Variants in GALNT13 observed in about 807,000 individuals in gnomAD.
The protein encoded by GALNT13 is UDP-GalNAc:polypeptide N-acetylgalactosaminyltransferase 13.
GALNT13 carries 28 observed loss-of-function variants against 64.2 expected under a neutral mutation model. The ratio of observed to expected loss-of-function variants is 0.44; its 90% CI spans 0.32 to 0.60. GALNT13 has a LOEUF of 0.60. GALNT13 is among the 20% of genes least tolerant of loss of function. GALNT13 has a pLI of 0.05. For missense variants in GALNT13, 577 were observed against 669.8 expected, an observed-to-expected ratio of 0.86 and a Z score of 1.53; for synonymous variants, 214 against 224.6, an observed-to-expected ratio of 0.95 and a Z score of 0.42.
chr2:153,608,720 A>G, the GALNT13 span, among the ~76,000 whole-genome samples: 1 of 147,772 alleles, frequency 6.8e-6, no homozygotes, highest in African/African-American at 2.4e-5. Flanking sequence ...AAATATGTAA[A>G]TATATGTATA....
intron 4 of GALNT13, among the ~76,000 whole-genome samples, chr2:154,208,779 T>C (rs1357488960): frequency 6.6e-6 from 1 of 152,094 alleles, no homozygotes; most frequent in East Asian, 1.9e-4. Flanking sequence ...TAATCACTTA[T>C]CATACTTCAG....
intron 4 of GALNT13, among the ~76,000 whole-genome samples, chr2:154,228,607 G>A (rs73965408): frequency 0.018 from 2,772 of 152,268 alleles, 83 homozygotes; most frequent in African/African-American, 0.062. Context: ...TGCCAAGGAA[G>A]AAGGCTTTAA....
At chr2:153,964,805 A>G (rs1693215874) in intron 3 of GALNT13, among the ~76,000 whole-genome samples, 1 of 152,076 alleles carries the variant, frequency 6.6e-6, no homozygotes, top group Non-Finnish European at 1.5e-5. Context: ...CCCTCACGGT[A>G]AAATGAAATT....
chr2:153,093,081 A>C, the GALNT13 span, among the ~76,000 whole-genome samples: 1 of 151,972 alleles, frequency 6.6e-6, no homozygotes, highest in Non-Finnish European at 1.5e-5. Flanking sequence ...GAATTTTATC[A>C]AATGCTTTTT....
chr2:153,917,560 A>T (rs1301466738), intron 2 of GALNT13, among the ~76,000 whole-genome samples: 1 of 152,180 alleles, frequency 6.6e-6, no homozygotes, highest in African/African-American at 2.4e-5. Context: ...ACGTCTAAAT[A>T]ATGCTGAAAA....
At chr2:153,117,970 G>T in the GALNT13 span, among the ~76,000 whole-genome samples, 13,246 of 152,012 alleles carry the variant, frequency 0.087, 685 homozygotes, top group Non-Finnish European at 0.12. Context: ...CCTCTGCCTT[G>T]GTTTGCCTTA....
At chr2:153,935,585 G>A (rs999514754) in intron 2 of GALNT13, among the ~76,000 whole-genome samples, 2 of 152,198 alleles carry the variant, frequency 1.3e-5, no homozygotes, top group African/African-American at 4.8e-5. Flanking sequence ...TTAGGTGGGA[G>A]GAAGGGTATC....
At chr2:153,725,197 A>T in the GALNT13 span, among the ~76,000 whole-genome samples, 1 of 146,510 alleles carries the variant, frequency 6.8e-6, no homozygotes, top group Non-Finnish European at 1.5e-5. Context: ...TCAGTAAACT[A>T]TCGCAAGAAC....
chr2:153,481,688 C>G, the GALNT13 span, among the ~76,000 whole-genome samples: 2 of 152,116 alleles, frequency 1.3e-5, no homozygotes, highest in Admixed American at 6.5e-5. Flanking sequence ...ACTGCCTACT[C>G]TTTCTGGAAA....
intron 9 of GALNT13, among the ~76,000 whole-genome samples, chr2:154,350,670 C>G (rs1334781518): frequency 6.6e-6 from 1 of 152,182 alleles, no homozygotes; most frequent in Non-Finnish European, 1.5e-5. Context: ...TCCTATCCCT[C>G]TAGAGAACTC....
At chr2:154,283,164 A>T (rs912439293) in intron 8 of GALNT13, among the ~76,000 whole-genome samples, 2 of 152,174 alleles carry the variant, frequency 1.3e-5, no homozygotes. Context: ...GGGATTTGTC[A>T]TCAGGCTACT....
the GALNT13 span, among the ~76,000 whole-genome samples, chr2:153,503,407 C>T: frequency 1.3e-5 from 2 of 152,036 alleles, no homozygotes; most frequent in Admixed American, 6.6e-5. Context: ...GTTCTCTATT[C>T]TGTTCCATTT....
chr2:154,048,475 G>A (rs2105341299), intron 3 of GALNT13, among the ~76,000 whole-genome samples: 1 of 152,186 alleles, frequency 6.6e-6, no homozygotes, highest in East Asian at 1.9e-4. Flanking sequence ...TCTTACATGA[G>A]CTCGATTTAT....
At chr2:154,341,726 A>C (rs1230933424) in intron 9 of GALNT13, among the ~76,000 whole-genome samples, 1 of 152,064 alleles carries the variant, frequency 6.6e-6, no homozygotes, top group Admixed American at 6.6e-5. Flanking sequence ...GTTCTGGAAA[A>C]AGGAGTGACA....
chr2:154,341,415 G>C (rs1343405725), intron 9 of GALNT13, among the ~76,000 whole-genome samples: 1 of 152,132 alleles, frequency 6.6e-6, no homozygotes, highest in Non-Finnish European at 1.5e-5. Context: ...TGCTGAGATG[G>C]AGGTGTGGAA....
intron 1 of GALNT13, among the ~76,000 whole-genome samples, chr2:153,894,672 CAAAAT>C (rs1339027173): frequency 6.6e-6 from 1 of 151,916 alleles, no homozygotes; most frequent in Non-Finnish European, 1.5e-5. Flanking sequence ...AATAATAAGA[CAAAAT>C]GATGATTGAT....
chr2:154,448,462 G>A (rs1298550064), intron 12 of GALNT13, among the ~76,000 whole-genome samples: 1 of 151,974 alleles, frequency 6.6e-6, no homozygotes, highest in Non-Finnish European at 1.5e-5. Context: ...TTTGAAACAT[G>A]CCTGAGTGTT....
chr2:153,654,778 A>G, the GALNT13 span, among the ~76,000 whole-genome samples: 4 of 152,164 alleles, frequency 2.6e-5, no homozygotes, highest in Admixed American at 2.0e-4. Context: ...ATATGCAAAT[A>G]CTATGCCATT....
the GALNT13 span, among the ~76,000 whole-genome samples, chr2:153,768,747 T>C: frequency 6.6e-6 from 1 of 152,138 alleles, no homozygotes. Flanking sequence ...GCACCTGTAG[T>C]CCCAACTACT....
Sources: gnomAD v4.1 joint callset for allele counts (sites outside exome capture counted in the v4.1 genomes callset) on GRCh38, gnomAD v4.1.1 for gene constraint, MANE v1.5 for transcripts, NCBI Gene and HGNC (gene_info 2026-07-23, HGNC 2026-07-21) for gene names.